C10orf67: variants seen among roughly 807,000 people sequenced by gnomAD.
C10orf67 encodes uncharacterized protein C10orf67, mitochondrial.
Under a neutral mutation model 35.6 loss-of-function variants are expected in C10orf67, and 60 were observed. That is an observed-to-expected ratio of 1.68 (90% confidence interval 1.37 to 2.09). The LOEUF is 2.09. C10orf67 is among the 30% of genes most tolerant of loss of function. The pLI, the probability that C10orf67 is intolerant of heterozygous loss-of-function variation, is 0.00. For missense variants in C10orf67, 474 were observed against 330.2 expected (o/e 1.44, Z -3.38); for synonymous variants, 167 against 115.8 (o/e 1.44, Z -2.84).
At chr10:23,255,112 G>T (rs1413130370) in intron 10 of C10orf67, among the ~76,000 whole-genome samples, 3 of 152,102 alleles carry the variant, frequency 2.0e-5, no homozygotes, top group Non-Finnish European at 4.4e-5. Flanking sequence ...GAGAGGAGGG[G>T]CTAATAGAAA....
intron 13 of C10orf67, among the ~76,000 whole-genome samples, chr10:23,237,287 G>T (rs1409459991): frequency 6.6e-6 from 1 of 152,066 alleles, no homozygotes; most frequent in East Asian, 1.9e-4. Context: ...GTCTACCATT[G>T]ATGGGCATTT....
At chr10:23,250,367 T>C (rs1040205420) in intron 12 of C10orf67, 88 bp downstream of exon 12, 2 of 396,782 alleles carry the variant, frequency 5.0e-6, no homozygotes, top group African/African-American at 2.1e-5. Flanking sequence ...TTAACATTAG[T>C]ATGTAAAAAA....
chr10:23,296,851 A>G (rs1459554156), intron 5 of C10orf67, among the ~76,000 whole-genome samples: 1 of 152,162 alleles, frequency 6.6e-6, no homozygotes, highest in Non-Finnish European at 1.5e-5. Context: ...GCAGGGGATT[A>G]TTTCTTTGGC....
At chr10:23,304,245 T>G (rs1844191690) in intron 4 of C10orf67, among the ~76,000 whole-genome samples, 1 of 152,150 alleles carries the variant, frequency 6.6e-6, no homozygotes, top group Non-Finnish European at 1.5e-5. Flanking sequence ...AACAGCCCTT[T>G]AACTTGGTCC....
chr10:23,217,652 G>A (rs1841466843), intron 15 of C10orf67, among the ~76,000 whole-genome samples: 1 of 152,042 alleles, frequency 6.6e-6, no homozygotes, highest in African/African-American at 2.4e-5. Flanking sequence ...TGGCTCAACT[G>A]GACTAACAAC....
intron 7 of C10orf67, among the ~76,000 whole-genome samples, chr10:23,286,629 G>A (rs1287731871): frequency 4.2e-5 from 6 of 144,450 alleles, no homozygotes; most frequent in African/African-American, 1.6e-4. Flanking sequence ...AGGGAGGAAA[G>A]GAGGGAGGGA....
chr10:23,242,661 A>T (rs1453287586), intron 12 of C10orf67, among the ~76,000 whole-genome samples: 1 of 152,226 alleles, frequency 6.6e-6, no homozygotes, highest in African/African-American at 2.4e-5. Flanking sequence ...GTTCTAGAAT[A>T]CTTGGGAAAT....
intron 3 of C10orf67, among the ~76,000 whole-genome samples, chr10:23,321,929 A>G (rs978087729): frequency 3.9e-5 from 6 of 152,166 alleles, no homozygotes; most frequent in African/African-American, 1.4e-4. Flanking sequence ...TGAGGACTAC[A>G]GGCCTGCAAC....
chr10:23,285,887 A>G (rs1182843267), intron 7 of C10orf67, among the ~76,000 whole-genome samples: 3 of 152,264 alleles, frequency 2.0e-5, no homozygotes, highest in Non-Finnish European at 4.4e-5. Context: ...GCCAAGGGCC[A>G]CCATGGCACA....
At chr10:23,213,509 T>C (rs1348873864) in intron 15 of C10orf67, among the ~76,000 whole-genome samples, 1 of 151,990 alleles carries the variant, frequency 6.6e-6, no homozygotes, top group African/African-American at 2.4e-5. Flanking sequence ...CAAAAGAAAA[T>C]GTGGAGGAAA....
At chr10:23,344,359 G>T in intron 1 of C10orf67, 1 of 594,376 alleles carries the variant, frequency 1.7e-6, no homozygotes, top group East Asian at 2.8e-5. Flanking sequence ...TGGAGAGGGG[G>T]AGGAGGAGGC....
At chr10:23,255,800 A>G (rs1346904548) in intron 10 of C10orf67, among the ~76,000 whole-genome samples, 5 of 152,238 alleles carry the variant, frequency 3.3e-5, no homozygotes, top group African/African-American at 7.2e-5. Context: ...CATACAGCAC[A>G]TATAATGGAT....
chr10:23,224,803 T>C (rs938006278), intron 13 of C10orf67, among the ~76,000 whole-genome samples: 1 of 151,942 alleles, frequency 6.6e-6, no homozygotes, highest in Non-Finnish European at 1.5e-5. Flanking sequence ...ATGAATGAAA[T>C]GAAGCGAGAA....
chr10:23,286,802 A>G (rs1057241126), intron 7 of C10orf67, among the ~76,000 whole-genome samples: 1 of 152,198 alleles, frequency 6.6e-6, no homozygotes, highest in East Asian at 1.9e-4. Flanking sequence ...TGTCACTGCA[A>G]ATAGGGTGAA....
intron 2 of C10orf67, among the ~76,000 whole-genome samples, chr10:23,330,697 G>C (rs923148888): frequency 2.0e-5 from 3 of 149,938 alleles, no homozygotes; most frequent in Admixed American, 1.3e-4. Context: ...CTGAGATCGT[G>C]CCACTGCACT....
chr10:23,227,367 G>A (rs1841769786), intron 13 of C10orf67, among the ~76,000 whole-genome samples: 1 of 152,098 alleles, frequency 6.6e-6, no homozygotes, highest in African/African-American at 2.4e-5. Flanking sequence ...TGCAGAAAAG[G>A]CCTTTGACAA....
chr10:23,334,162 A>C (rs1845584380), intron 1 of C10orf67, among the ~76,000 whole-genome samples: 1 of 152,192 alleles, frequency 6.6e-6, no homozygotes, highest in South Asian at 2.1e-4. Context: ...AGAGGTCTTG[A>C]AACCAAAAAG....
intron 15 of C10orf67, among the ~76,000 whole-genome samples, chr10:23,212,692 C>G (rs1301178029): frequency 6.6e-6 from 1 of 150,424 alleles, no homozygotes; most frequent in African/African-American, 2.4e-5. Flanking sequence ...AAGTAGGCAG[C>G]CCCAAACTTA....
intron 1 of C10orf67, among the ~76,000 whole-genome samples, chr10:23,341,731 A>T (rs1248609200): frequency 6.6e-6 from 1 of 152,144 alleles, no homozygotes; most frequent in African/African-American, 2.4e-5. Flanking sequence ...CTCCTAGGAC[A>T]TCCAGGCACC....
Sources: gnomAD v4.1 joint callset for allele counts (sites outside exome capture counted in the v4.1 genomes callset) on GRCh38, gnomAD v4.1.1 for gene constraint, MANE v1.5 for transcripts, NCBI Gene and HGNC (gene_info 2026-07-23, HGNC 2026-07-21) for gene names.